Variants in MAP3K2 observed in about 807,000 individuals in gnomAD.
MAP3K2 encodes MAP/ERK kinase kinase 2.
A neutral mutation model predicts 80.3 loss-of-function variants in MAP3K2; 24 were observed. The observed-to-expected ratio is 0.30, with a 90% CI of 0.22 to 0.42. The LOEUF is 0.42. Ranked by LOEUF, MAP3K2 falls within the 10% of genes least tolerant of loss-of-function variation. MAP3K2 has a pLI of 1.00. For synonymous variants in MAP3K2, 244 were observed against 253.7 expected (o/e 0.96, Z 0.36); for missense variants, 608 against 750.1 (o/e 0.81, Z 2.21).
intron 1 of MAP3K2, among the ~76,000 whole-genome samples, chr2:127,381,131 A>T (rs1012226251): frequency 6.6e-6 from 1 of 152,164 alleles, no homozygotes; most frequent in African/African-American, 2.4e-5. Flanking sequence ...CCTCCTGAGT[A>T]GTTGAGGCAT....
At position 127,310,119 on chromosome 2, in the gene MAP3K2, T is replaced by C. The variant is rs1685782624; in HGVS notation, c.1457-1357A>G. 6.6e-6 allele frequency among the ~76,000 whole-genome samples: 1 copy of C among 152,240 alleles called. No individual in the cohort carries two copies. The highest frequency in any genetic ancestry group is 2.4e-5 in the African/African-American group (1 of 41,470). ...TTTTATACACTGGGTTATAATCCAG[T>C]ACTACTTTATTTGCCTGCTATTTAT... On this transcript the variant is annotated intron_variant, in intron 15 of 16. Coordinates refer to ENST00000682094, the MANE Select transcript of MAP3K2 (RefSeq NM_001371910.2). This position sits in a 1 kb window ranked among gnomAD's most constrained non-coding sequence, Gnocchi z 4.8.
At chr2:127,373,347 T>C (rs562062762) in intron 1 of MAP3K2, among the ~76,000 whole-genome samples, 1 of 152,310 alleles carries the variant, frequency 6.6e-6, no homozygotes, top group Admixed American at 6.5e-5. Context: ...TGTCTTCTCC[T>C]TGGAAATATC....
chr2:127,387,378 G>A (rs1687375635), intron 1 of MAP3K2, 74 bp downstream of exon 1: 3 of 609,172 alleles, frequency 4.9e-6, no homozygotes, highest in South Asian at 1.4e-4. Context: ...CCCAGCCCGC[G>A]GCCCCCGACA....
Position 127,307,696 on chromosome 2 carries a change from C to A in MAP3K2, c.1743G>T (p.Lys581Asn). 6.3e-7 allele frequency: 1 copy of A among 1,597,298 alleles called. No individual in the cohort carries two copies. The highest frequency in any genetic ancestry group is 8.5e-7 in the Non-Finnish European group (1 of 1,171,358). The change falls in exon 17 of 17, where the codon AAG (lysine) becomes AAT (asparagine). Residue 581 changes from lysine to asparagine, a missense_variant. Physicochemically the swap from Lys to Asn is moderately conservative, Grantham distance 94 (BLOSUM62 0). Around this residue, in one of 4 missense-constraint regions of MAP3K2, gnomAD observed 42 missense variants for 53.7 expected, o/e 0.78. Transcript: ENST00000682094. The surrounding 1 kb of genome is among the most constrained non-coding windows in gnomAD (Gnocchi z 5.4). ...TATAGTCTGAGACATGAGGTGGCAG[C>A]TTTGGGTTTGTTGGCTGAGTGGCGA... ...FKIATQPTNP[K>N]LPPHVSDYTR...
chr2:127,312,810 A>G (rs1388080360), intron 15 of MAP3K2, among the ~76,000 whole-genome samples: 1 of 152,078 alleles, frequency 6.6e-6, no homozygotes, highest in Non-Finnish European at 1.5e-5. Context: ...TAAAAATACA[A>G]AATTAGCCGG....
rs1314396982 is a variant in MAP3K2 at position 127,310,910 on chromosome 2, CTTATTT to C, written c.1457-2154_1457-2149del. On this transcript the variant is annotated intron_variant, in intron 15 of 16. Coordinates refer to ENST00000682094, the MANE Select transcript of MAP3K2 (RefSeq NM_001371910.2). This position sits in a 1 kb window ranked among gnomAD's most constrained non-coding sequence, Gnocchi z 4.8. ...CTAATTTTAAAATTTTACTTCAATT[CTTATTT>C]TTAACTCTTCCATAACCTTAACCAT... Among the ~76,000 whole-genome samples, 2 of 151,850 alleles carry C rather than the reference CTTATTT, an allele frequency of 1.3e-5. No individual in the cohort carries two copies. The highest frequency in any genetic ancestry group is 4.8e-5 in the African/African-American group (2 of 41,334).
upstream of MAP3K2, chr2:127,388,046 G>T: frequency 1.0e-6 from 1 of 983,560 alleles, no homozygotes; most frequent in African/African-American, 1.8e-5. Context: ...GGCGGTAGCG[G>T]AACCCGCCGC....
chr2:127,326,859 G>T, intron 7 of MAP3K2, 42 bp from the exon 8 acceptor site: 1 of 1,377,482 alleles, frequency 7.3e-7, no homozygotes, highest in Non-Finnish European at 9.7e-7. Context: ...TATAGGCAAG[G>T]GAATCAAGTT....
chr2:127,366,285 T>C (rs891344967), intron 1 of MAP3K2, among the ~76,000 whole-genome samples: 1 of 151,488 alleles, frequency 6.6e-6, no homozygotes, highest in Non-Finnish European at 1.5e-5. Context: ...TGGTCGTGTA[T>C]GCCTGCAGCC....
chr2:127,367,692 C>T (rs989529080), intron 1 of MAP3K2, among the ~76,000 whole-genome samples: 4 of 152,164 alleles, frequency 2.6e-5, no homozygotes, highest in African/African-American at 9.7e-5. Flanking sequence ...ACTCGGGAGG[C>T]TGAGGCACGA....
chr2:127,372,270 C>T (rs961609630), intron 1 of MAP3K2, among the ~76,000 whole-genome samples: 8 of 152,112 alleles, frequency 5.3e-5, no homozygotes, highest in African/African-American at 1.9e-4. Context: ...TCAAAGACAG[C>T]TCTGTTACTG....
chr2:127,307,562 G>A lies in MAP3K2; in HGVS notation c.*17C>T. 3.3e-6 allele frequency: 5 copies of A among 1,530,498 alleles called. No individual in the cohort carries two copies. Among genetic ancestry groups the A allele is most frequent in the Middle Eastern group, 2.2e-4 (1 of 4,638 alleles). 94.8% of individuals were successfully genotyped at this position (1,530,498 alleles called of 1,614,324 possible). ...TAGATGGGAGCTAGGTAGAGGCACA[G>A]GAGAGGTTACTGGCTGCTAGTGATA... On this transcript the variant is annotated 3_prime_UTR_variant, in exon 17 of 17. Coordinates refer to ENST00000682094, the MANE Select transcript of MAP3K2 (RefSeq NM_001371910.2). This position sits in a 1 kb window ranked among gnomAD's most constrained non-coding sequence, Gnocchi z 5.4.
At chr2:127,343,758 C>T (rs1051414534) in intron 1 of MAP3K2, among the ~76,000 whole-genome samples, 1 of 152,168 alleles carries the variant, frequency 6.6e-6, no homozygotes, top group Non-Finnish European at 1.5e-5. Context: ...GTGGCTCATG[C>T]CATAATCCCA....
chr2:127,356,012 C>T (rs1463701704), intron 1 of MAP3K2, among the ~76,000 whole-genome samples: 5 of 152,170 alleles, frequency 3.3e-5, no homozygotes, highest in African/African-American at 1.2e-4. Context: ...TCTCATCCAT[C>T]CAAGTTTTAT....
chr2:127,362,875 A>G (rs1686914815), intron 1 of MAP3K2, among the ~76,000 whole-genome samples: 1 of 152,234 alleles, frequency 6.6e-6, no homozygotes, highest in Admixed American at 6.5e-5. Context: ...TTTGAGCCCA[A>G]TCCTGGGCAG....
At chr2:127,350,845 C>CA (rs1686680871) in intron 1 of MAP3K2, among the ~76,000 whole-genome samples, 1 of 150,580 alleles carries the variant, frequency 6.6e-6, no homozygotes, top group Non-Finnish European at 1.5e-5. Context: ...TCATCAGTAA[C>CA]AGGCAAATTA....
intron 1 of MAP3K2, among the ~76,000 whole-genome samples, chr2:127,371,793 C>A (rs1275974941): frequency 1.3e-5 from 2 of 152,140 alleles, no homozygotes; most frequent in Non-Finnish European, 2.9e-5. Flanking sequence ...CAAGGTAACT[C>A]AGGAAAAGAA....
At chr2:127,314,623 G>A (rs966886367) in intron 15 of MAP3K2, 131 bp downstream of exon 15, 4 of 723,284 alleles carry the variant, frequency 5.5e-6, no homozygotes, top group African/African-American at 5.4e-5. Flanking sequence ...CCATAAGAAA[G>A]CAAGAGAACT....
In MAP3K2 at chr2:127,384,213, G is replaced by GATATATATAT. The variant is rs35560058; in HGVS notation, c.-66+3229_-66+3238dup. On this transcript the variant is annotated intron_variant, in intron 1 of 16. Transcript: ENST00000682094. ...CCCGGCCAACAAATAATTTTTAATT[G>GATATATATAT]ATATATATATATATATATATATTGC... is the stretch of plus-strand genomic sequence containing the variant. Among the ~76,000 whole-genome samples, 1,346 of 144,408 alleles carry GATATATATAT rather than the reference G, an allele frequency of 9.3e-3. 17 individuals carry two copies. The highest frequency in any genetic ancestry group is 0.033 in the Middle Eastern group (9 of 272). The allele number at this position is 144,408 out of a possible 152,430, so 94.7% of individuals were successfully genotyped here. A position where few individuals can be genotyped will look rare whatever the true frequency, so the allele number is the denominator to read the frequency against.
Sources: gnomAD v4.1 joint callset for allele counts (sites outside exome capture counted in the v4.1 genomes callset) on GRCh38, gnomAD v4.1.1 for gene constraint, gnomAD v4.1.1 regional missense constraint, Gnocchi (gnomAD v3.1) non-coding constraint, MANE v1.5 for transcripts, NCBI Gene and HGNC (gene_info 2026-07-23, HGNC 2026-07-21) for gene names.